Variants in MIR2052HG observed in about 807,000 individuals in gnomAD.
MIR2052HG encodes MIR2052 host gene.
intron 2 of MIR2052HG, among the ~76,000 whole-genome samples, chr8:74,653,219 C>A (rs1007873452): frequency 2.0e-5 from 3 of 152,160 alleles, no homozygotes; most frequent in Non-Finnish European, 4.4e-5. Flanking sequence ...CTTATCATCA[C>A]CATGTCAAAC....
At chr8:74,728,922 T>C (rs1586925290) in intron 4 of MIR2052HG, among the ~76,000 whole-genome samples, 1 of 152,276 alleles carries the variant, frequency 6.6e-6, no homozygotes, top group South Asian at 2.1e-4. Flanking sequence ...TATATAGCAT[T>C]GCCTTTGGTT....
intron 1 of MIR2052HG, among the ~76,000 whole-genome samples, chr8:74,605,001 C>T (rs913653507): frequency 7.9e-5 from 12 of 152,086 alleles, no homozygotes; most frequent in African/African-American, 2.9e-4. Context: ...ATCAGAATGG[C>T]TTTCTGGTAA....
chr8:74,638,726 C>A (rs1020247697), intron 2 of MIR2052HG, among the ~76,000 whole-genome samples: 2 of 152,120 alleles, frequency 1.3e-5, no homozygotes, highest in African/African-American at 4.8e-5. Flanking sequence ...CATTTGGACA[C>A]GTGCTTGATG....
rs529422482 is a variant in MIR2052HG, at chr8:74,608,529, T to G, written n.129-4324T>G. 4.1e-4 allele frequency among the ~76,000 whole-genome samples: 62 copies of G among 152,280 alleles called. 1 individual carries two copies. The highest frequency in any genetic ancestry group is 1.5e-3 in the African/African-American group (61 of 41,568). ...GAATACACATTCTTTTCAATGTATATTTTATGTGTATTTAATATATAGTTC... is the reference window on the plus strand; with the variant it reads ...GAATACACATTCTTTTCAATGTATAGTTTATGTGTATTTAATATATAGTTC... On this transcript the variant is annotated intron_variant and non_coding_transcript_variant, in intron 1 of 6. Coordinates refer to ENST00000523442, the Ensembl canonical transcript of MIR2052HG.
chr8:74,720,787 C>T (rs948383488), intron 4 of MIR2052HG, among the ~76,000 whole-genome samples: 1 of 152,076 alleles, frequency 6.6e-6, no homozygotes, highest in Non-Finnish European at 1.5e-5. Context: ...AATTGACTCA[C>T]AGTTCCACAG....
chr8:74,617,456 GGTGTGT>G (rs61474557), intron 2 of MIR2052HG, among the ~76,000 whole-genome samples: 64,971 of 147,182 alleles, frequency 0.44, 14,134 homozygotes, highest in Middle Eastern at 0.57. Flanking sequence ...TATTCCATTG[GGTGTGT>G]GTGTGTGTGT....
Position 74,717,636 on chromosome 8 carries a change from G to C in MIR2052HG, n.371+13954G>C, listed in dbSNP as rs142791689. On this transcript the variant is annotated intron_variant and non_coding_transcript_variant, in intron 4 of 6. Coordinates refer to ENST00000523442, the Ensembl canonical transcript of MIR2052HG. ...AATTCAAGACCAGCCTGGGCAAGAT[G>C]GCAAAACCTCATGTCTACAAAAAAA... Among the ~76,000 whole-genome samples the C allele has an allele frequency of 2.3e-3, 351 of 151,968 alleles. 1 individual carries two copies. The highest frequency in any genetic ancestry group is 7.8e-3 in the African/African-American group (322 of 41,462).
intron 4 of MIR2052HG, among the ~76,000 whole-genome samples, chr8:74,730,016 C>T (rs1473663983): frequency 6.6e-6 from 1 of 152,094 alleles, no homozygotes; most frequent in Non-Finnish European, 1.5e-5. Context: ...ATAACTTTTA[C>T]TTATCTGTTA....
At chr8:74,723,173 A>C (rs950762006) in intron 4 of MIR2052HG, among the ~76,000 whole-genome samples, 4 of 152,116 alleles carry the variant, frequency 2.6e-5, no homozygotes, top group Non-Finnish European at 4.4e-5. Flanking sequence ...AATAATTATC[A>C]CTCTGGAATC....
intron 1 of MIR2052HG, among the ~76,000 whole-genome samples, chr8:74,606,341 T>C (rs1808111838): frequency 6.6e-6 from 1 of 151,956 alleles, no homozygotes; most frequent in African/African-American, 2.4e-5. Context: ...CTCTCTTAGC[T>C]AAGGGAGAGT....
chr8:74,648,196 A>T (rs1432221261), intron 2 of MIR2052HG, among the ~76,000 whole-genome samples: 3 of 152,152 alleles, frequency 2.0e-5, no homozygotes, highest in African/African-American at 7.2e-5. Flanking sequence ...AATATTAATA[A>T]TTGATACCCT....
chr8:74,740,445 C>T (rs1809814128), intron 4 of MIR2052HG, among the ~76,000 whole-genome samples: 1 of 152,058 alleles, frequency 6.6e-6, no homozygotes, highest in Non-Finnish European at 1.5e-5. Context: ...GCCTGGGCAA[C>T]AGAGTGAGAC....
chr8:74,737,385 C>T (rs1459148488), intron 4 of MIR2052HG, among the ~76,000 whole-genome samples: 1 of 152,126 alleles, frequency 6.6e-6, no homozygotes, highest in African/African-American at 2.4e-5. Context: ...TGGGCCTGTT[C>T]CCACACTGTG....
At chr8:74,741,664 A>T (rs1042854599) in intron 4 of MIR2052HG, among the ~76,000 whole-genome samples, 1 of 152,182 alleles carries the variant, frequency 6.6e-6, no homozygotes, top group African/African-American at 2.4e-5. Flanking sequence ...TTTGTTCATT[A>T]ATACTGAACT....
At chr8:74,756,954 G>C (rs1360531025) in intron 5 of MIR2052HG, 1 of 152,186 alleles carries the variant, frequency 6.6e-6, no homozygotes, top group Non-Finnish European at 1.5e-5. Context: ...CTAGGGACTG[G>C]CCAGCTAGAA....
intron 1 of MIR2052HG, chr8:74,612,771 T>G (rs1808218286): frequency 7.5e-6 from 3 of 397,736 alleles, no homozygotes; most frequent in Non-Finnish European, 1.5e-5. Flanking sequence ...TTAGTTATTT[T>G]TCTTTCTTCA....
intron 2 of MIR2052HG, among the ~76,000 whole-genome samples, chr8:74,671,030 T>C (rs1186826090): frequency 6.6e-6 from 1 of 151,942 alleles, no homozygotes; most frequent in Admixed American, 6.6e-5. Flanking sequence ...CTAGGAAAGA[T>C]AAATGTAGAC....
chr8:74,606,989 A>C (rs1204690646), intron 1 of MIR2052HG, among the ~76,000 whole-genome samples: 2 of 152,156 alleles, frequency 1.3e-5, no homozygotes, highest in Non-Finnish European at 2.9e-5. Flanking sequence ...TAGCCGTATT[A>C]AATGTAAATG....
chr8:74,621,925 A>T (rs1808367028), intron 2 of MIR2052HG, among the ~76,000 whole-genome samples: 1 of 152,246 alleles, frequency 6.6e-6, no homozygotes, highest in Non-Finnish European at 1.5e-5. Context: ...ACTCAAATGT[A>T]AGGCCTGTAA....
Sources: gnomAD v4.1 joint callset for allele counts (sites outside exome capture counted in the v4.1 genomes callset) on GRCh38, gnomAD v4.1.1 for gene constraint, MANE v1.5 for transcripts, NCBI Gene and HGNC (gene_info 2026-07-23, HGNC 2026-07-21) for gene names.